TUSC3: variants seen among roughly 807,000 people sequenced by gnomAD.
The protein encoded by TUSC3 is tumor suppressor candidate 3.
Under a neutral mutation model 44.8 loss-of-function variants are expected in TUSC3, and 45 were observed. The ratio of observed to expected loss-of-function variants is 1.00; its 90% CI spans 0.79 to 1.29. TUSC3 has a LOEUF of 1.29. Among genes scored for constraint, TUSC3 ranks in the 50% most tolerant of loss-of-function variants. The pLI is 0.00. For missense variants in TUSC3, 519 were observed against 437.9 expected (o/e 1.19, Z -1.65); for synonymous variants, 212 against 152.9 (o/e 1.39, Z -2.85).
intron 2 of TUSC3, among the ~76,000 whole-genome samples, chr8:15,502,754 G>A (rs1226200525): frequency 6.6e-6 from 1 of 152,324 alleles, no homozygotes; most frequent in Non-Finnish European, 1.5e-5. Flanking sequence ...GCCTCCCAAA[G>A]TGCTGGGATT....
intron 5 of TUSC3, among the ~76,000 whole-genome samples, chr8:15,668,078 A>C (rs1041421934): frequency 1.3e-5 from 2 of 151,784 alleles, no homozygotes; most frequent in Non-Finnish European, 2.9e-5. Flanking sequence ...TAAATGCTGA[A>C]AGTAAGTGTT....
At position 15,540,554 on chromosome 8, in the gene TUSC3, C is replaced by G; in HGVS notation, c.124C>G (p.Gln42Glu). The G allele has an allele frequency of 1.3e-6, 2 of 1,592,758 alleles. No homozygotes were observed. The highest frequency in any genetic ancestry group is 3.3e-4 in the Middle Eastern group (2 of 5,984). Reference sequence around the variant, plus strand: ...GCTCTGCATCCAGCTCGGGGGAGGACAGAAGAAAAAGGAGGTAGAATGGAT... The same window carrying G: ...GCTCTGCATCCAGCTCGGGGGAGGAGAGAAGAAAAAGGAGGTAGAATGGAT... Reference protein sequence around the residue: ...LLLCIQLGGGQKKKENLLAEK... With the variant: ...LLLCIQLGGGEKKKENLLAEK... Residue 42 changes from glutamine (Q) to glutamate (E), a missense_variant, in exon 1 of 11, where the codon CAG (glutamine) becomes GAG (glutamate). By Grantham distance (29) the Gln-to-Glu change is conservative (BLOSUM62 2). Coordinates refer to ENST00000503731, the MANE Select transcript of TUSC3 (RefSeq NM_006765.4).
Position 15,730,646 on chromosome 8 carries a change from C to T in TUSC3, c.799-20C>T. 6.2e-7 allele frequency: 1 copy of T among 1,611,582 alleles called. No homozygotes were observed. The highest frequency in any genetic ancestry group is 1.1e-5 in the South Asian group (1 of 90,866). The stretch of plus-strand genomic sequence containing the variant: ...ATGAGGCTTTCTCAGACTGTAATTT[C>T]TGTTTGTCTTCTTTTATAGAGCTAC... On this transcript the variant is annotated intron_variant, in intron 6 of 10. Transcript: ENST00000503731.
At chr8:15,476,314 C>T (rs920293963) in intron 1 of TUSC3, among the ~76,000 whole-genome samples, 1 of 152,158 alleles carries the variant, frequency 6.6e-6, no homozygotes, top group African/African-American at 2.4e-5. Flanking sequence ...TTAATGTGTT[C>T]TATTCCTCTG....
At chr8:15,736,564 A>C (rs1215821925) in intron 7 of TUSC3, among the ~76,000 whole-genome samples, 1 of 152,168 alleles carries the variant, frequency 6.6e-6, no homozygotes, top group African/African-American at 2.4e-5. Flanking sequence ...GATAATCTTA[A>C]ATCTGCTTTT....
intron 1 of TUSC3, among the ~76,000 whole-genome samples, chr8:15,562,169 G>T (rs905046618): frequency 1.3e-5 from 2 of 152,106 alleles, no homozygotes; most frequent in African/African-American, 2.4e-5. Flanking sequence ...AACCTAGTTG[G>T]GGTATCACTA....
intron 1 of TUSC3, among the ~76,000 whole-genome samples, chr8:15,588,203 T>C (rs1172596975): frequency 6.6e-6 from 1 of 152,144 alleles, no homozygotes; most frequent in Non-Finnish European, 1.5e-5. Flanking sequence ...AGTTCTGTTT[T>C]CTCCACATCC....
chr8:15,548,987 G>C (rs1801964463), intron 1 of TUSC3, among the ~76,000 whole-genome samples: 1 of 151,586 alleles, frequency 6.6e-6, no homozygotes, highest in African/African-American at 2.4e-5. Flanking sequence ...TTTTTATTGA[G>C]TGGATTGAAG....
intron 1 of TUSC3, among the ~76,000 whole-genome samples, chr8:15,449,149 C>G (rs770193358): frequency 6.6e-6 from 1 of 152,032 alleles, no homozygotes; most frequent in Non-Finnish European, 1.5e-5. Context: ...TGGCCAGAAG[C>G]TGAAAACAGG....
At chr8:15,626,814 T>C (rs1218859308) in intron 2 of TUSC3, among the ~76,000 whole-genome samples, 1 of 152,186 alleles carries the variant, frequency 6.6e-6, no homozygotes, top group Non-Finnish European at 1.5e-5. Flanking sequence ...TAAACGAGCA[T>C]GGGAGAGTGG....
intron 1 of TUSC3, among the ~76,000 whole-genome samples, chr8:15,445,743 ATC>A (rs1800087484): frequency 6.6e-6 from 1 of 152,198 alleles, no homozygotes; most frequent in East Asian, 1.9e-4. Context: ...TAACAATCTG[ATC>A]TCTGTTTCTT....
intron 7 of TUSC3, among the ~76,000 whole-genome samples, chr8:15,736,306 G>C (rs1172503950): frequency 2.0e-5 from 3 of 152,162 alleles, no homozygotes; most frequent in Non-Finnish European, 4.4e-5. Context: ...CCAAAATTCA[G>C]TAGACTCAGG....
chr8:15,513,572 G>T (rs767336189), intron 2 of TUSC3, among the ~76,000 whole-genome samples: 1 of 152,164 alleles, frequency 6.6e-6, no homozygotes. Flanking sequence ...ACTCAAGAAC[G>T]TAATTGAGAA....
chr8:15,703,014 G>T (rs1468426962), intron 6 of TUSC3, among the ~76,000 whole-genome samples: 1 of 152,134 alleles, frequency 6.6e-6, no homozygotes, highest in African/African-American at 2.4e-5. Flanking sequence ...TGCAATGGAG[G>T]TAGTAGTGAG....
chr8:15,455,996 A>G (rs886803821), intron 1 of TUSC3, among the ~76,000 whole-genome samples: 5 of 152,284 alleles, frequency 3.3e-5, no homozygotes, highest in African/African-American at 9.6e-5. Context: ...CTAATGACCA[A>G]TGACTCCACC....
chr8:15,684,840 A>G (rs1808564153), intron 6 of TUSC3, among the ~76,000 whole-genome samples: 1 of 152,108 alleles, frequency 6.6e-6, no homozygotes, highest in Non-Finnish European at 1.5e-5. Flanking sequence ...GTGCTGCAGG[A>G]GAGCAGACTG....
At chr8:15,704,533 A>G (rs535669786) in intron 6 of TUSC3, among the ~76,000 whole-genome samples, 4 of 152,308 alleles carry the variant, frequency 2.6e-5, no homozygotes, top group East Asian at 1.9e-4. Context: ...AGATAGCTAC[A>G]TAACTTTATT....
At chr8:15,562,335 G>T (rs184388509) in intron 1 of TUSC3, among the ~76,000 whole-genome samples, 2 of 152,174 alleles carry the variant, frequency 1.3e-5, no homozygotes, top group East Asian at 3.9e-4. Flanking sequence ...AAACCGCTTC[G>T]CAATTTATCT....
intron 2 of TUSC3, among the ~76,000 whole-genome samples, chr8:15,522,721 G>C (rs1321994568): frequency 6.6e-6 from 1 of 152,106 alleles, no homozygotes; most frequent in Non-Finnish European, 1.5e-5. Context: ...AGGAGGAAAA[G>C]CATCATCTTG....
Sources: gnomAD v4.1 joint callset for allele counts (sites outside exome capture counted in the v4.1 genomes callset) on GRCh38, gnomAD v4.1.1 for gene constraint, MANE v1.5 for transcripts, NCBI Gene and HGNC (gene_info 2026-07-23, HGNC 2026-07-21) for gene names.